The following IFT74 variants were observed in gnomAD, a reference collection of about 807,000 sequenced individuals.
IFT74 encodes intraflagellar transport 74.
In IFT74, 92 loss-of-function variants were observed where a neutral mutation model predicts 96.7. The ratio of observed to expected loss-of-function variants is 0.95; its 90% CI spans 0.80 to 1.13. The LOEUF (loss-of-function observed/expected upper bound fraction) is 1.13, where lower values mean the gene tolerates loss of function less well. IFT74 is among the 50% of genes most tolerant of loss of function. IFT74 has a pLI of 0.00. For synonymous variants in IFT74, 223 were observed against 213.2 expected, an observed-to-expected ratio of 1.05 and a Z score of -0.40; for missense variants, 811 against 698.2, an observed-to-expected ratio of 1.16 and a Z score of -1.82.
At chr9:26,958,331 A>G (rs1343009306) in intron 1 of IFT74, among the ~76,000 whole-genome samples, 2 of 152,236 alleles carry the variant, frequency 1.3e-5, no homozygotes, top group Non-Finnish European at 2.9e-5. Context: ...AAGAAGACGA[A>G]GATTCCAAGA....
At chr9:27,007,314 A>G (rs1471489512) in intron 8 of IFT74, among the ~76,000 whole-genome samples, 6 of 152,254 alleles carry the variant, frequency 3.9e-5, no homozygotes, top group Admixed American at 2.6e-4. Flanking sequence ...TTATAACATT[A>G]GTTCTCATCT....
chr9:26,972,872 G>C (rs1826937633), intron 2 of IFT74, among the ~76,000 whole-genome samples: 1 of 152,062 alleles, frequency 6.6e-6, no homozygotes, highest in South Asian at 2.1e-4. Context: ...AACTGTTGGT[G>C]GTTAAGAATA....
At chr9:27,037,321 G>T (rs2131666058) in intron 13 of IFT74, among the ~76,000 whole-genome samples, 1 of 151,610 alleles carries the variant, frequency 6.6e-6, no homozygotes, top group Admixed American at 6.6e-5. Flanking sequence ...GCAAAATTAT[G>T]TATGAAAAAG....
At chr9:27,025,854 C>T (rs113385064) in intron 12 of IFT74, among the ~76,000 whole-genome samples, 3,424 of 152,228 alleles carry the variant, frequency 0.022, 136 homozygotes, top group African/African-American at 0.077. Context: ...TGAAACAAAA[C>T]CTCAAAATAC....
chr9:27,057,087 T>C (rs769510371), intron 18 of IFT74, among the ~76,000 whole-genome samples: 9 of 152,186 alleles, frequency 5.9e-5, no homozygotes, highest in Non-Finnish European at 8.8e-5. Context: ...AGCTTAATGA[T>C]ATTCTAGTGC....
upstream of IFT74, among the ~76,000 whole-genome samples, chr9:26,953,973 A>G (rs541283821): frequency 3.3e-5 from 5 of 152,260 alleles, no homozygotes; most frequent in East Asian, 9.7e-4. Context: ...CCTTGACTCT[A>G]CTGAGTACCC....
intron 13 of IFT74, among the ~76,000 whole-genome samples, chr9:27,044,225 A>C (rs1819595914): frequency 6.6e-6 from 1 of 152,204 alleles, no homozygotes; most frequent in African/African-American, 2.4e-5. Context: ...TATTCTTTAT[A>C]ATACAACTTA....
intron 16 of IFT74, among the ~76,000 whole-genome samples, chr9:27,052,852 C>T (rs1300301928): frequency 1.3e-5 from 2 of 151,746 alleles, no homozygotes; most frequent in Non-Finnish European, 2.9e-5. Flanking sequence ...ATTTAGTGTA[C>T]TCCATGTTGT....
intron 14 of IFT74, among the ~76,000 whole-genome samples, chr9:27,045,646 T>A (rs546749584): frequency 6.6e-6 from 1 of 152,288 alleles, no homozygotes; most frequent in South Asian, 2.1e-4. Context: ...TTTTAAAAAA[T>A]TGGCATGTAT....
At chr9:27,030,790 T>A (rs145007835) in intron 13 of IFT74, among the ~76,000 whole-genome samples, 1,891 of 152,288 alleles carry the variant, frequency 0.012, 38 homozygotes, top group African/African-American at 0.042. Flanking sequence ...CAATTGCATA[T>A]TTGCTTAATT....
intron 4 of IFT74, 73 bp from the exon 5 acceptor site, chr9:26,984,184 A>G (rs1489741779): frequency 4.3e-6 from 5 of 1,160,110 alleles, no homozygotes; most frequent in Non-Finnish European, 6.0e-6. Context: ...TATTAATGGA[A>G]AGTTTAAATT....
At chr9:27,008,796 A>G (rs913541254) in intron 8 of IFT74, among the ~76,000 whole-genome samples, 1 of 152,160 alleles carries the variant, frequency 6.6e-6, no homozygotes, top group Non-Finnish European at 1.5e-5. Flanking sequence ...AGAGGAATTT[A>G]GGGATGGAGA....
upstream of IFT74, among the ~76,000 whole-genome samples, chr9:26,951,886 A>G (rs1825947005): frequency 6.6e-6 from 1 of 152,206 alleles, no homozygotes; most frequent in African/African-American, 2.4e-5. Flanking sequence ...TGAAACAGCA[A>G]GACTCTCTCA....
intron 10 of IFT74, among the ~76,000 whole-genome samples, chr9:27,014,420 G>T (rs1829249837): frequency 6.6e-6 from 1 of 152,058 alleles, no homozygotes; most frequent in Non-Finnish European, 1.5e-5. Flanking sequence ...ACTTCACTTG[G>T]TGAATTTGGT....
intron 2 of IFT74, among the ~76,000 whole-genome samples, chr9:26,970,592 C>T (rs1336692731): frequency 6.6e-6 from 1 of 152,188 alleles, no homozygotes; most frequent in African/African-American, 2.4e-5. Context: ...TTGAGTAGGT[C>T]TCACAGTTAT....
intron 2 of IFT74, among the ~76,000 whole-genome samples, chr9:26,968,503 G>A (rs943826132): frequency 1.9e-4 from 29 of 152,116 alleles, no homozygotes; most frequent in East Asian, 1.2e-3. Flanking sequence ...CTCGTGATCC[G>A]CCCACCTCAG....
chr9:26,951,401 C>G (rs1041207835), intron 1 of IFT74, among the ~76,000 whole-genome samples: 1 of 151,694 alleles, frequency 6.6e-6, no homozygotes, highest in East Asian at 1.9e-4. Context: ...TTTTTTTTAA[C>G]TAAAATTCGC....
At chr9:27,009,912 T>G (rs1366061003) in intron 9 of IFT74, among the ~76,000 whole-genome samples, 1 of 152,110 alleles carries the variant, frequency 6.6e-6, no homozygotes, top group African/African-American at 2.4e-5. Flanking sequence ...AATGATCAAA[T>G]CGGGATAATT....
intron 3 of IFT74, among the ~76,000 whole-genome samples, 190 bp downstream of exon 3, chr9:26,978,453 C>T (rs1213885747): frequency 2.6e-5 from 4 of 152,094 alleles, no homozygotes; most frequent in Non-Finnish European, 5.9e-5. Flanking sequence ...AGAATTATGG[C>T]ATCTAATCGT....
Sources: allele counts gnomAD v4.1 joint callset (sites outside exome capture counted in the v4.1 genomes callset), GRCh38; gene constraint gnomAD v4.1.1; transcripts MANE v1.5; gene names NCBI Gene and HGNC (gene_info 2026-07-23, HGNC 2026-07-21).